RBM20: variants seen among roughly 807,000 people sequenced by gnomAD.
RBM20 encodes the protein RNA binding motif protein 20.
RBM20 carries 51 observed loss-of-function variants against 110.1 expected under a neutral mutation model. That is an observed-to-expected ratio of 0.46 (90% CI 0.37 to 0.59). The LOEUF (loss-of-function observed/expected upper bound fraction) is 0.59. RBM20 is among the 20% of genes least tolerant of loss of function. The probability of loss-of-function intolerance (pLI) is 0.00; values close to 1 mark genes in which losing one functional copy is unlikely to be tolerated. For synonymous variants in RBM20, 589 were observed against 618.2 expected, an observed-to-expected ratio of 0.95 and a Z score of 0.70; for missense variants, 1,512 against 1,574.9, an observed-to-expected ratio of 0.96 and a Z score of 0.68.
intron 1 of RBM20, among the ~76,000 whole-genome samples, chr10:110,700,947 G>A (rs1862748342): frequency 1.3e-5 from 2 of 152,144 alleles, no homozygotes; most frequent in African/African-American, 4.8e-5. Flanking sequence ...CCCGGGAGAT[G>A]GAGGTTGCAG....
intron 1 of RBM20, among the ~76,000 whole-genome samples, chr10:110,667,793 T>C (rs1157142791): frequency 1.3e-5 from 2 of 152,170 alleles, no homozygotes; most frequent in Admixed American, 6.5e-5. Context: ...AGTGCCTCAC[T>C]GATCACAAAG....
At chr10:110,767,572 C>T (rs1343731344) in intron 1 of RBM20, among the ~76,000 whole-genome samples, 3 of 150,318 alleles carry the variant, frequency 2.0e-5, no homozygotes, top group Non-Finnish European at 4.4e-5. Flanking sequence ...ACTTCTCAGA[C>T]GGGGCGGTTG....
chr10:110,775,247 A>G (rs1844246319), intron 1 of RBM20, among the ~76,000 whole-genome samples: 2 of 152,204 alleles, frequency 1.3e-5, no homozygotes, highest in Non-Finnish European at 2.9e-5. Context: ...ATTACTTTCT[A>G]TATTTTAGCA....
chr10:110,772,147 C>T (rs908628638), intron 1 of RBM20, among the ~76,000 whole-genome samples: 6 of 152,318 alleles, frequency 3.9e-5, no homozygotes, highest in Admixed American at 3.3e-4. Context: ...GCATCTCCGA[C>T]AAACCAACTC....
chr10:110,656,987 T>A (rs1178830254), intron 1 of RBM20, among the ~76,000 whole-genome samples: 2 of 151,970 alleles, frequency 1.3e-5, no homozygotes, highest in Non-Finnish European at 2.9e-5. Flanking sequence ...TGGGTATATA[T>A]CTTGGAGTGG....
chr10:110,822,985 G>A (rs1590702651), intron 11 of RBM20, among the ~76,000 whole-genome samples: 1 of 152,182 alleles, frequency 6.6e-6, no homozygotes, highest in Admixed American at 6.6e-5. Context: ...TTGCGGTATA[G>A]GTCTCAACAT....
At chr10:110,734,618 CTTTT>C (rs1554894037) in intron 1 of RBM20, among the ~76,000 whole-genome samples, 1 of 136,532 alleles carries the variant, frequency 7.3e-6, no homozygotes, top group Non-Finnish European at 1.6e-5. Context: ...AAAATTCCCT[CTTTT>C]TTTTTTTTTT....
chr10:110,818,655 G>A (rs1293948878), intron 9 of RBM20, among the ~76,000 whole-genome samples: 1 of 152,252 alleles, frequency 6.6e-6, no homozygotes, highest in Non-Finnish European at 1.5e-5. Flanking sequence ...GCTTGGTGGA[G>A]GGCTTTCAGC....
Position 110,837,084 on chromosome 10 carries a change from G to A in RBM20, c.*1106G>A, listed in dbSNP as rs1845141503. 6.6e-6 allele frequency: 1 copy of A among 152,260 alleles called. No homozygotes were observed. Among genetic ancestry groups the A allele is most frequent in the South Asian group, 2.1e-4 (1 of 4,820 alleles). 9.4% of individuals were successfully genotyped at this position (152,260 alleles called of 1,614,324 possible). ...GTTTTTAAATGGCCCCCCAGTTGGG[G>A]GAGAAGCTAAGGAAAGAGAAGGCTG... On this transcript the variant is annotated 3_prime_UTR_variant, in exon 14 of 14. Transcript: ENST00000369519.
At chr10:110,712,628 G>T (rs188676347) in intron 1 of RBM20, among the ~76,000 whole-genome samples, 1 of 152,158 alleles carries the variant, frequency 6.6e-6, no homozygotes, top group Non-Finnish European at 1.5e-5. Flanking sequence ...TTAGCAGGGC[G>T]TGGCAGTGCC....
chr10:110,828,837 G>T (rs1327055143), intron 12 of RBM20, among the ~76,000 whole-genome samples: 1 of 139,022 alleles, frequency 7.2e-6, no homozygotes, highest in South Asian at 2.3e-4. Context: ...TTTGTTTTTT[G>T]TTTGTTTGTT....
rs146608553 is a variant in RBM20 at position 110,665,782 on chromosome 10, G to T, written c.191+21137G>T. On this transcript the variant is annotated intron_variant, in intron 1 of 13. Coordinates refer to ENST00000369519, the MANE Select transcript of RBM20 (RefSeq NM_001134363.3). Reference sequence around the variant, plus strand: ...ACATTAAAAAGAATATTATTTATTAGTTACTTATTTATAGCTGTGGTAATG... The same window carrying T: ...ACATTAAAAAGAATATTATTTATTATTTACTTATTTATAGCTGTGGTAATG... Among the ~76,000 whole-genome samples the T allele has an allele frequency of 2.6e-5, 4 of 152,174 alleles. No individual in the cohort carries two copies. In the East Asian group the frequency reaches 7.7e-4, roughly 29 times the overall value.
At chr10:110,655,687 C>A (rs143455664) in intron 1 of RBM20, among the ~76,000 whole-genome samples, 2 of 152,200 alleles carry the variant, frequency 1.3e-5, no homozygotes, top group African/African-American at 4.8e-5. Flanking sequence ...TCTTTGCAGA[C>A]ATTGTTACAA....
chr10:110,760,789 T>C (rs906092073), intron 1 of RBM20, among the ~76,000 whole-genome samples: 1 of 150,560 alleles, frequency 6.6e-6, no homozygotes, highest in Non-Finnish European at 1.5e-5. Context: ...AAAATAGGTA[T>C]GTTTATTAAA....
chr10:110,767,613 G>A (rs1236692655), intron 1 of RBM20, among the ~76,000 whole-genome samples: 3 of 151,812 alleles, frequency 2.0e-5, no homozygotes, highest in Non-Finnish European at 2.9e-5. Context: ...CTTCTCAGAC[G>A]GGGCGGACGG....
intron 1 of RBM20, among the ~76,000 whole-genome samples, chr10:110,736,009 A>G (rs1590644479): frequency 6.6e-6 from 1 of 152,208 alleles, no homozygotes; most frequent in East Asian, 1.9e-4. Context: ...GGTGGGCAGA[A>G]CCAACCCTTC....
intron 11 of RBM20, chr10:110,822,539 G>C (rs1164633563): frequency 2.2e-6 from 1 of 453,910 alleles, no homozygotes; most frequent in Non-Finnish European, 4.4e-6. Flanking sequence ...GTTTAAAATA[G>C]GCTAAGCCCC....
At chr10:110,713,921 C>A (rs1260289708) in intron 1 of RBM20, among the ~76,000 whole-genome samples, 1 of 152,168 alleles carries the variant, frequency 6.6e-6, no homozygotes, top group East Asian at 1.9e-4. Flanking sequence ...GTAAGAAATA[C>A]TTCATTGTGA....
chr10:110,759,962 C>T (rs947188732), intron 1 of RBM20, among the ~76,000 whole-genome samples: 8 of 152,212 alleles, frequency 5.3e-5, no homozygotes, highest in Non-Finnish European at 1.0e-4. Flanking sequence ...TGCCTCCTTC[C>T]TTTGGTCTTA....
Sources: allele counts gnomAD v4.1 joint callset (sites outside exome capture counted in the v4.1 genomes callset), GRCh38; gene constraint gnomAD v4.1.1; transcripts MANE v1.5; gene names NCBI Gene and HGNC (gene_info 2026-07-23, HGNC 2026-07-21).